The following ITCH variants were observed in gnomAD, a reference collection of about 807,000 sequenced individuals.
ITCH encodes E3 ubiquitin-protein ligase Itchy homolog.
A neutral mutation model predicts 126.8 loss-of-function variants in ITCH; 28 were observed. That is an observed-to-expected ratio of 0.22 (90% CI 0.16 to 0.30). The LOEUF is 0.30. Among genes scored for constraint, ITCH ranks in the 10% least tolerant of loss-of-function variants. The probability of loss-of-function intolerance (pLI) is 1.00; values close to 1 mark genes in which losing one functional copy is unlikely to be tolerated. For missense variants in ITCH, 631 were observed against 1,032.4 expected (o/e 0.61, Z 5.33); for synonymous variants, 342 against 340.0 (o/e 1.01, Z -0.06).
chr20:34,499,248 A>G (rs1452298427), intron 23 of ITCH, among the ~76,000 whole-genome samples: 1 of 119,902 alleles, frequency 8.3e-6, no homozygotes, highest in Non-Finnish European at 1.6e-5. Context: ...TGCTGGGATT[A>G]CAGGCGTGAG....
chr20:34,406,024 A>ATT (rs377083837), intron 3 of ITCH, among the ~76,000 whole-genome samples: 121 of 145,330 alleles, frequency 8.3e-4, no homozygotes, highest in African/African-American at 2.9e-3. Flanking sequence ...ATCTGAAACA[A>ATT]TTTTTTTTTT....
intron 6 of ITCH, chr20:34,417,100 C>T (rs1481417645): frequency 5.2e-6 from 3 of 579,090 alleles, no homozygotes; most frequent in Non-Finnish European, 9.5e-6. Flanking sequence ...TTTAGGTAGA[C>T]TTTTTTTTTT....
intron 2 of ITCH, among the ~76,000 whole-genome samples, chr20:34,392,992 C>G (rs1254603984): frequency 6.6e-6 from 1 of 152,180 alleles, no homozygotes; most frequent in Non-Finnish European, 1.5e-5. Flanking sequence ...TTAAAGCTAT[C>G]TGGATAGGTA....
At chr20:34,394,042 G>T (rs982647679) in intron 3 of ITCH, among the ~76,000 whole-genome samples, 161 bp downstream of exon 3, 2 of 151,898 alleles carry the variant, frequency 1.3e-5, no homozygotes, top group Non-Finnish European at 2.9e-5. Flanking sequence ...GACCAGCCAA[G>T]CCAACATGGA....
chr20:34,381,433 T>A (rs2038059164), intron 2 of ITCH, among the ~76,000 whole-genome samples: 2 of 148,462 alleles, frequency 1.3e-5, no homozygotes, highest in African/African-American at 4.9e-5. Context: ...CCTGGCTAAT[T>A]TTTTTTTTTT....
intron 23 of ITCH, among the ~76,000 whole-genome samples, chr20:34,494,286 A>G (rs1215310695): frequency 6.6e-6 from 1 of 152,184 alleles, no homozygotes; most frequent in Non-Finnish European, 1.5e-5. Flanking sequence ...GAGACCAGAG[A>G]GTGAAAAGAA....
intron 13 of ITCH, 144 bp downstream of exon 13, chr20:34,457,618 A>G: frequency 1.5e-6 from 1 of 667,322 alleles, no homozygotes. Context: ...AAATTATACT[A>G]TTATTTTCAT....
At chr20:34,374,896 C>T (rs771542827) in intron 2 of ITCH, among the ~76,000 whole-genome samples, 40 of 151,924 alleles carry the variant, frequency 2.6e-4, no homozygotes, top group Non-Finnish European at 4.4e-5. Context: ...CTCTCCACCA[C>T]GCCTGGCTAA....
At chr20:34,487,653 C>T (rs1023882611) in intron 20 of ITCH, among the ~76,000 whole-genome samples, 2 of 152,026 alleles carry the variant, frequency 1.3e-5, no homozygotes, top group African/African-American at 4.8e-5. Context: ...ATAAGAAGCT[C>T]ATAGGCCAGG....
At chr20:34,503,836 G>C (rs1174500838) in intron 23 of ITCH, among the ~76,000 whole-genome samples, 1 of 125,678 alleles carries the variant, frequency 8.0e-6, no homozygotes, top group Admixed American at 7.9e-5. Context: ...TTTGTTGGTT[G>C]CTTTTGGGTT....
intron 3 of ITCH, among the ~76,000 whole-genome samples, chr20:34,401,057 C>G (rs1209283263): frequency 6.6e-6 from 1 of 152,086 alleles, no homozygotes; most frequent in African/African-American, 2.4e-5. Context: ...TTGTTCCCAG[C>G]CAATTTTTAA....
At chr20:34,429,744 GT>G (rs575438475) in intron 7 of ITCH, among the ~76,000 whole-genome samples, 1,821 of 151,670 alleles carry the variant, frequency 0.012, 29 homozygotes, top group African/African-American at 0.033. Flanking sequence ...TTTGAATCTT[GT>G]TTTTTTTGAA....
intron 16 of ITCH, among the ~76,000 whole-genome samples, chr20:34,474,818 A>G (rs956401982): frequency 4.0e-5 from 6 of 150,874 alleles, no homozygotes; most frequent in Admixed American, 4.0e-4. Flanking sequence ...TCCCTCCCGG[A>G]CAGGGTGGCT....
At chr20:34,417,663 G>A (rs1162852262) in intron 6 of ITCH, among the ~76,000 whole-genome samples, 1 of 143,360 alleles carries the variant, frequency 7.0e-6, no homozygotes, top group African/African-American at 2.6e-5. Flanking sequence ...GCCTCCCAAA[G>A]TGCTGGGATT....
intron 20 of ITCH, among the ~76,000 whole-genome samples, chr20:34,488,635 C>G (rs1392077937): frequency 6.6e-6 from 1 of 152,020 alleles, no homozygotes; most frequent in Non-Finnish European, 1.5e-5. Context: ...ACTGACTGAA[C>G]CTGGAAGGTG....
intron 7 of ITCH, among the ~76,000 whole-genome samples, chr20:34,437,849 G>T (rs183582714): frequency 2.0e-5 from 3 of 152,286 alleles, no homozygotes; most frequent in Admixed American, 2.0e-4. Flanking sequence ...TTTCCTGTTA[G>T]TGTTCTTCCC....
At chr20:34,393,734 A>T in intron 2 of ITCH, 57 bp from the exon 3 acceptor site, 1 of 986,684 alleles carries the variant, frequency 1.0e-6, no homozygotes. Flanking sequence ...AGCACTATTT[A>T]TATATGTTTT....
intron 12 of ITCH, among the ~76,000 whole-genome samples, chr20:34,455,940 T>C (rs187661368): frequency 4.2e-4 from 64 of 151,756 alleles, no homozygotes; most frequent in South Asian, 2.9e-3. Context: ...CTGCTTCCTA[T>C]CCCTTGTATA....
chr20:34,403,963 A>G (rs2038969336), intron 3 of ITCH, among the ~76,000 whole-genome samples: 1 of 152,210 alleles, frequency 6.6e-6, no homozygotes, highest in Non-Finnish European at 1.5e-5. Flanking sequence ...TTATAGCTGC[A>G]TACTAAGCAA....
Sources: gnomAD v4.1 joint callset for allele counts (sites outside exome capture counted in the v4.1 genomes callset) on GRCh38, gnomAD v4.1.1 for gene constraint, MANE v1.5 for transcripts, NCBI Gene and HGNC (gene_info 2026-07-23, HGNC 2026-07-21) for gene names.